CPEB3: variants seen among roughly 807,000 people sequenced by gnomAD.
The protein encoded by CPEB3 is cytoplasmic polyadenylation element binding protein 3, also known as cytoplasmic polyadenylation element-binding protein 3.
A neutral mutation model predicts 67.2 loss-of-function variants in CPEB3; 20 were observed. The observed-to-expected ratio is 0.30, with a 90% CI of 0.21 to 0.43. The LOEUF (loss-of-function observed/expected upper bound fraction) is 0.43. Among genes scored for constraint, CPEB3 ranks in the 20% least tolerant of loss-of-function variants. The probability of loss-of-function intolerance (pLI) is 1.00; values close to 1 mark genes in which losing one functional copy is unlikely to be tolerated. For synonymous variants in CPEB3, 376 were observed against 393.1 expected (o/e 0.96, Z 0.51); for missense variants, 746 against 968.6 (o/e 0.77, Z 3.05).
At chr10:92,080,823 A>C (rs1376212329) in intron 9 of CPEB3, among the ~76,000 whole-genome samples, 1 of 151,878 alleles carries the variant, frequency 6.6e-6, no homozygotes, top group African/African-American at 2.4e-5. Flanking sequence ...TTTGGTCTCG[A>C]TCTCCTGATT....
At chr10:92,091,072 T>C (rs1331915948) in intron 8 of CPEB3, among the ~76,000 whole-genome samples, 1 of 152,208 alleles carries the variant, frequency 6.6e-6, no homozygotes, top group Non-Finnish European at 1.5e-5. Flanking sequence ...TAAATAACGT[T>C]AGGTTACATT....
At chr10:92,277,685 G>C (rs1842051234) in intron 1 of CPEB3, among the ~76,000 whole-genome samples, 2 of 152,122 alleles carry the variant, frequency 1.3e-5, no homozygotes, top group Admixed American at 1.3e-4. Context: ...GAGGTCAGGA[G>C]TTCGAGACCA....
At chr10:92,246,162 C>T (rs977619287) in intron 1 of CPEB3, among the ~76,000 whole-genome samples, 1 of 151,622 alleles carries the variant, frequency 6.6e-6, no homozygotes, top group East Asian at 2.0e-4. Flanking sequence ...GGTGAAACCC[C>T]GTCTCTACTA....
At chr10:92,232,013 C>T (rs1851293132) in intron 2 of CPEB3, among the ~76,000 whole-genome samples, 1 of 151,206 alleles carries the variant, frequency 6.6e-6, no homozygotes, top group African/African-American at 2.4e-5. Context: ...AGCCACCACT[C>T]CCAGCCTCAA....
At chr10:92,164,537 T>C (rs1847646370) in intron 4 of CPEB3, among the ~76,000 whole-genome samples, 1 of 152,210 alleles carries the variant, frequency 6.6e-6, no homozygotes, top group Non-Finnish European at 1.5e-5. Flanking sequence ...TTTTCTATGA[T>C]TTCATATTAA....
chr10:92,052,791 A>T (rs1841948421), intron 9 of CPEB3, among the ~76,000 whole-genome samples: 2 of 152,214 alleles, frequency 1.3e-5, no homozygotes, highest in Non-Finnish European at 2.9e-5. Context: ...GAGGATTAAG[A>T]GGGGCTGTGC....
At chr10:92,279,706 A>G (rs975357262) in intron 1 of CPEB3, among the ~76,000 whole-genome samples, 4 of 151,902 alleles carry the variant, frequency 2.6e-5, no homozygotes, top group Non-Finnish European at 5.9e-5. Context: ...GCCAGGAGTG[A>G]AAAAAAATAA....
intron 2 of CPEB3, among the ~76,000 whole-genome samples, chr10:92,229,843 G>C (rs548045806): frequency 6.6e-6 from 1 of 152,136 alleles, no homozygotes; most frequent in Non-Finnish European, 1.5e-5. Context: ...TCGAGAGGTC[G>C]GGACCAGCCT....
intron 1 of CPEB3, among the ~76,000 whole-genome samples, chr10:92,261,871 A>G (rs966072370): frequency 2.0e-5 from 3 of 152,238 alleles, no homozygotes; most frequent in African/African-American, 4.8e-5. Context: ...GACACAACTA[A>G]TAAGTGGTGA....
chr10:92,264,346 A>C (rs1256554537), intron 1 of CPEB3, among the ~76,000 whole-genome samples: 2 of 150,626 alleles, frequency 1.3e-5, no homozygotes, highest in Non-Finnish European at 3.0e-5. Context: ...AAAAAAGAAA[A>C]GAAATGATCA....
chr10:92,229,358 A>G (rs1462754415), intron 2 of CPEB3, among the ~76,000 whole-genome samples: 1 of 152,116 alleles, frequency 6.6e-6, no homozygotes. Context: ...TCTAAGTGTT[A>G]TTGTCAAAAT....
chr10:92,256,172 TTC>T (rs1449596098), intron 1 of CPEB3, among the ~76,000 whole-genome samples: 1 of 152,058 alleles, frequency 6.6e-6, no homozygotes, highest in African/African-American at 2.4e-5. Flanking sequence ...CCTCCTAAAT[TTC>T]TGACTGACAT....
At chr10:92,251,132 C>T (rs981699319) in intron 1 of CPEB3, among the ~76,000 whole-genome samples, 2 of 152,072 alleles carry the variant, frequency 1.3e-5, no homozygotes, top group Admixed American at 6.6e-5. Flanking sequence ...ATGCTGTACA[C>T]GTTTGTAAGC....
rs190579874 is a variant in CPEB3, at chr10:92,176,791, C to A, written c.1222+4172G>T. ...ATCAGCATAATAGAGGAAAAGTCAC[C>A]AAGTTAGGCATCAATCCTACACAAG... On this transcript the variant is annotated intron_variant, in intron 4 of 9. Transcript: ENST00000265997. Among the ~76,000 whole-genome samples the A allele has an allele frequency of 1.7e-3, 259 of 152,314 alleles. 1 individual carries two copies. Among genetic ancestry groups the A allele is most frequent in the Middle Eastern group, 3.4e-3 (1 of 294 alleles).
intron 1 of CPEB3, among the ~76,000 whole-genome samples, chr10:92,279,881 G>A (rs1325382923): frequency 1.2e-4 from 18 of 152,056 alleles, no homozygotes; most frequent in African/African-American, 3.4e-4. Context: ...ATGGTGGCGC[G>A]TGCCTGTAAT....
At chr10:92,138,748 G>A (rs1846241397) in intron 6 of CPEB3, among the ~76,000 whole-genome samples, 1 of 152,176 alleles carries the variant, frequency 6.6e-6, no homozygotes, top group South Asian at 2.1e-4. Flanking sequence ...CGCTGTTGGT[G>A]AGAATATAAA....
At position 92,209,221 on chromosome 10, in the gene CPEB3, C is replaced by T. The variant is rs370104306; in HGVS notation, c.1006-16585G>A. Among the ~76,000 whole-genome samples the T allele has an allele frequency of 2.0e-4, 31 of 152,228 alleles. No individual in the cohort carries two copies. In the East Asian group the frequency reaches 4.4e-3, roughly 22 times the overall value. On this transcript the variant is annotated intron_variant, in intron 2 of 9. Coordinates refer to ENST00000265997, the MANE Select transcript of CPEB3 (RefSeq NM_014912.5). ...GACATTTTGGAAATTCTGACTGAAC[C>T]GTCTTAATTTACTGCATATTAGGCC... is the stretch of plus-strand genomic sequence containing the variant.
chr10:92,174,122 G>T (rs1848123593), intron 4 of CPEB3, among the ~76,000 whole-genome samples: 1 of 152,198 alleles, frequency 6.6e-6, no homozygotes, highest in Non-Finnish European at 1.5e-5. Context: ...TTTGGAAAAT[G>T]CCATTTGGAA....
At chr10:92,255,838 C>A (rs780937313) in intron 1 of CPEB3, among the ~76,000 whole-genome samples, 29 of 152,210 alleles carry the variant, frequency 1.9e-4, no homozygotes, top group Non-Finnish European at 2.6e-4. Flanking sequence ...TCTCAATCTT[C>A]TGCCCCTAAA....
Sources: gnomAD v4.1 joint callset for allele counts (sites outside exome capture counted in the v4.1 genomes callset) on GRCh38, gnomAD v4.1.1 for gene constraint, MANE v1.5 for transcripts, NCBI Gene and HGNC (gene_info 2026-07-23, HGNC 2026-07-21) for gene names.